RBFOX1: variants seen among roughly 807,000 people sequenced by gnomAD.
RBFOX1 encodes RNA binding protein fox-1 homolog 1.
RBFOX1 carries 8 observed loss-of-function variants against 57.7 expected under a neutral mutation model. The observed-to-expected ratio is 0.14, with a 90% CI of 0.08 to 0.25. The LOEUF (loss-of-function observed/expected upper bound fraction) is 0.25. Ranked by LOEUF, RBFOX1 falls within the 10% of genes least tolerant of loss-of-function variation. The probability of loss-of-function intolerance (pLI) is 1.00; values close to 1 mark genes in which losing one functional copy is unlikely to be tolerated. For missense variants in RBFOX1, 611 were observed against 548.5 expected (o/e 1.11, Z -1.14); for synonymous variants, 326 against 222.4 (o/e 1.47, Z -4.15).
At chr16:7,431,239 T>C (rs576982292) in intron 4 of RBFOX1, 1 of 152,210 alleles carries the variant, frequency 6.6e-6, no homozygotes, top group Non-Finnish European at 1.5e-5. Context: ...GTTGTTGTTA[T>C]TTTGAGTAGG....
At chr16:7,589,971 A>T (rs912516819) in intron 7 of RBFOX1, among the ~76,000 whole-genome samples, 2 of 146,336 alleles carry the variant, frequency 1.4e-5, no homozygotes, top group African/African-American at 2.5e-5. Flanking sequence ...ATATAAACCC[A>T]TATGTACTTA....
At chr16:5,368,714 C>G (rs1220295219) in intron 1 of RBFOX1, among the ~76,000 whole-genome samples, 1 of 152,102 alleles carries the variant, frequency 6.6e-6, no homozygotes, top group African/African-American at 2.4e-5. Flanking sequence ...AGGGGCTGGC[C>G]CTTAGTGACA....
chr16:6,614,327 C>G (rs569284559), intron 2 of RBFOX1, among the ~76,000 whole-genome samples: 1 of 152,294 alleles, frequency 6.6e-6, no homozygotes, highest in Non-Finnish European at 1.5e-5. Context: ...CTCCAGCCAT[C>G]TTTAAATATC....
At chr16:7,666,677 T>C (rs991058770) in intron 13 of RBFOX1, among the ~76,000 whole-genome samples, 2 of 152,130 alleles carry the variant, frequency 1.3e-5, no homozygotes, top group African/African-American at 4.8e-5. Context: ...GATTGGGGCA[T>C]ATCGCTGCAT....
At chr16:6,778,152 T>C (rs986148531) in intron 3 of RBFOX1, among the ~76,000 whole-genome samples, 15 of 152,172 alleles carry the variant, frequency 9.9e-5, no homozygotes, top group African/African-American at 3.1e-4. Flanking sequence ...GATGGCTTCA[T>C]GAGAATCGAA....
At chr16:5,306,180 G>T (rs144285398) in intron 1 of RBFOX1, among the ~76,000 whole-genome samples, 1 of 152,124 alleles carries the variant, frequency 6.6e-6, no homozygotes, top group Non-Finnish European at 1.5e-5. Flanking sequence ...CAGCCTGGGC[G>T]CATAGCAAGA....
At chr16:5,286,147 C>A (rs1465034189) in intron 1 of RBFOX1, among the ~76,000 whole-genome samples, 1 of 152,120 alleles carries the variant, frequency 6.6e-6, no homozygotes, top group Non-Finnish European at 1.5e-5. Context: ...CCTTCGGCAT[C>A]ATTGGTAGTG....
At chr16:5,242,799 G>A (rs577156041) in intron 1 of RBFOX1, among the ~76,000 whole-genome samples, 1 of 152,206 alleles carries the variant, frequency 6.6e-6, no homozygotes, top group African/African-American at 2.4e-5. Context: ...TGCTCTGGAT[G>A]GCTGAGGTTT....
intron 2 of RBFOX1, among the ~76,000 whole-genome samples, chr16:5,470,673 G>T (rs1443122358): frequency 6.6e-6 from 1 of 152,034 alleles, no homozygotes; most frequent in Non-Finnish European, 1.5e-5. Context: ...ACCATGGAGT[G>T]CAGGACCCCA....
chr16:5,886,991 A>G (rs755131024), intron 4 of RBFOX1, among the ~76,000 whole-genome samples: 2 of 152,098 alleles, frequency 1.3e-5, no homozygotes, highest in Non-Finnish European at 2.9e-5. Flanking sequence ...GGGCCAGCCA[A>G]TTGTTGTGGG....
At position 7,309,554 on chromosome 16, in the gene RBFOX1, G is replaced by A. The variant is rs17143411; in HGVS notation, c.28-208593G>A. Among the ~76,000 whole-genome samples the A allele has an allele frequency of 4.1e-3, 622 of 152,256 alleles. 3 individuals are homozygous for A. Among genetic ancestry groups the A allele is most frequent in the African/African-American group, 0.014 (594 of 41,538 alleles). On this transcript the variant is annotated intron_variant, in intron 4 of 15. Transcript: ENST00000550418. Reference sequence around the variant, plus strand: ...AAGTCTGTGTTATTAGTGCTCACCCGCCATCTGTTTTCCTTACAGCTGACC... The same window carrying A: ...AAGTCTGTGTTATTAGTGCTCACCCACCATCTGTTTTCCTTACAGCTGACC...
intron 2 of RBFOX1, among the ~76,000 whole-genome samples, chr16:5,593,640 G>A (rs9936334): frequency 0.11 from 16,081 of 152,156 alleles, 1,129 homozygotes; most frequent in East Asian, 0.32. Context: ...ATGCCATGGC[G>A]ATGTCAGGAA....
chr16:5,608,893 C>G (rs1399164569), intron 3 of RBFOX1, among the ~76,000 whole-genome samples: 3 of 152,176 alleles, frequency 2.0e-5, no homozygotes, highest in Non-Finnish European at 4.4e-5. Flanking sequence ...TTTAGTGCCC[C>G]TAATAAGAAA....
chr16:6,468,044 C>G (rs1048683400), intron 2 of RBFOX1, among the ~76,000 whole-genome samples: 1 of 152,110 alleles, frequency 6.6e-6, no homozygotes, highest in Admixed American at 6.5e-5. Flanking sequence ...GAGTCTGTGT[C>G]TCCTGGGAGA....
intron 4 of RBFOX1, among the ~76,000 whole-genome samples, chr16:7,059,090 A>G (rs901740202): frequency 6.6e-6 from 1 of 152,188 alleles, no homozygotes; most frequent in African/African-American, 2.4e-5. Flanking sequence ...AAAATTGCTA[A>G]TGATCTTCTT....
intron 9 of RBFOX1, among the ~76,000 whole-genome samples, chr16:7,599,356 C>G: frequency 6.6e-6 from 1 of 152,058 alleles, no homozygotes; most frequent in East Asian, 1.9e-4. Context: ...GAAACTGGAG[C>G]GAGAAAAGCC....
At chr16:7,156,394 T>C (rs906700065) in intron 4 of RBFOX1, among the ~76,000 whole-genome samples, 9 of 151,024 alleles carry the variant, frequency 6.0e-5, no homozygotes, top group Admixed American at 1.3e-4. Flanking sequence ...TATGCACACA[T>C]ACATGTACAT....
intron 3 of RBFOX1, among the ~76,000 whole-genome samples, chr16:6,857,272 A>T (rs902495722): frequency 6.6e-6 from 1 of 152,166 alleles, no homozygotes; most frequent in Non-Finnish European, 1.5e-5. Flanking sequence ...ATAAATCGCA[A>T]ACTTATTAGG....
At chr16:6,355,117 G>C (rs933900778) in intron 2 of RBFOX1, among the ~76,000 whole-genome samples, 1 of 152,118 alleles carries the variant, frequency 6.6e-6, no homozygotes, top group Admixed American at 6.6e-5. Flanking sequence ...GCTGATTACA[G>C]ATATATATTC....
Sources: allele counts gnomAD v4.1 joint callset (sites outside exome capture counted in the v4.1 genomes callset), GRCh38; gene constraint gnomAD v4.1.1; transcripts MANE v1.5; gene names NCBI Gene and HGNC (gene_info 2026-07-23, HGNC 2026-07-21).